AGBL1: variants seen among roughly 807,000 people sequenced by gnomAD.
AGBL1 encodes cytosolic carboxypeptidase 4.
A neutral mutation model predicts 118.9 loss-of-function variants in AGBL1; 130 were observed. The ratio of observed to expected loss-of-function variants is 1.09; its 90% CI spans 0.95 to 1.26. AGBL1 has a LOEUF of 1.26. Among genes scored for constraint, AGBL1 ranks in the 50% most tolerant of loss-of-function variants. AGBL1 has a pLI of 0.00. For missense variants in AGBL1, 1,584 were observed against 1,298.1 expected, an observed-to-expected ratio of 1.22 and a Z score of -3.38; for synonymous variants, 555 against 478.9, an observed-to-expected ratio of 1.16 and a Z score of -2.08.
At chr15:86,155,983 G>A (rs1364875769) in intron 4 of AGBL1, among the ~76,000 whole-genome samples, 4 of 152,064 alleles carry the variant, frequency 2.6e-5, no homozygotes, top group African/African-American at 9.6e-5. Flanking sequence ...GTGCACTGGT[G>A]TGACCTTAGT....
intron 18 of AGBL1, among the ~76,000 whole-genome samples, chr15:86,457,317 A>G (rs1272773333): frequency 6.6e-6 from 1 of 152,170 alleles, no homozygotes; most frequent in Non-Finnish European, 1.5e-5. Context: ...TTGGTTTGCA[A>G]TCAGGCTATA....
intron 5 of AGBL1, among the ~76,000 whole-genome samples, chr15:86,187,944 G>A (rs1250395380): frequency 6.6e-6 from 1 of 152,172 alleles, no homozygotes; most frequent in African/African-American, 2.4e-5. Context: ...TCATCCACAT[G>A]CATTTCTTCA....
intron 5 of AGBL1, among the ~76,000 whole-genome samples, chr15:86,218,600 T>C (rs899413524): frequency 4.6e-5 from 7 of 152,286 alleles, no homozygotes; most frequent in African/African-American, 1.7e-4. Flanking sequence ...TTATATTACA[T>C]AATTGTGTTA....
intron 22 of AGBL1, among the ~76,000 whole-genome samples, chr15:86,900,613 A>C (rs17703917): frequency 0.24 from 36,647 of 151,962 alleles, 5,503 homozygotes; most frequent in Middle Eastern, 0.4. Context: ...AGTTCAGAAA[A>C]GATAATCGAG....
intron 18 of AGBL1, among the ~76,000 whole-genome samples, chr15:86,468,371 C>T (rs1375069078): frequency 2.0e-5 from 3 of 152,148 alleles, no homozygotes; most frequent in Admixed American, 6.6e-5. Flanking sequence ...ATTACTGAGC[C>T]TCCCTAGAGA....
chr15:86,153,876 A>G (rs946961972), intron 3 of AGBL1, among the ~76,000 whole-genome samples: 1 of 152,122 alleles, frequency 6.6e-6, no homozygotes, highest in African/African-American at 2.4e-5. Context: ...TTCTTCCTAA[A>G]TCCTTTCAAG....
intron 15 of AGBL1, among the ~76,000 whole-genome samples, chr15:86,278,176 T>C (rs537115933): frequency 6.6e-6 from 1 of 152,326 alleles, no homozygotes; most frequent in Admixed American, 6.5e-5. Context: ...TAATTAGCCA[T>C]TGCGATCCAT....
At chr15:86,399,543 T>G (rs2081414523) in intron 18 of AGBL1, among the ~76,000 whole-genome samples, 3 of 152,154 alleles carry the variant, frequency 2.0e-5, no homozygotes, top group African/African-American at 7.2e-5. Flanking sequence ...TCTCTTCTGT[T>G]GGAAGAGGAA....
chr15:86,095,303 C>G (rs191166500), intron 1 of AGBL1, among the ~76,000 whole-genome samples: 43 of 152,136 alleles, frequency 2.8e-4, no homozygotes, highest in Non-Finnish European at 5.0e-4. Flanking sequence ...TTACTTTGAT[C>G]TCCAGTCCCT....
Position 86,613,993 on chromosome 15 carries a change from C to G in AGBL1, c.2994+59456C>G, listed in dbSNP as rs190862486. The stretch of plus-strand genomic sequence containing the variant: ...GTAATGTGCTGCTGCAAACTTTGTA[C>G]GGTAAGGGAAGAAACTTATCCCGCT... On this transcript the variant is annotated intron_variant, in intron 21 of 22. Transcript: ENST00000614907. This position sits in a 1 kb window ranked among gnomAD's most constrained non-coding sequence, Gnocchi z 4.2. Among the ~76,000 whole-genome samples, 2 of 152,032 alleles carry G rather than the reference C, an allele frequency of 1.3e-5. No individual in the cohort carries two copies. Among genetic ancestry groups the G allele is most frequent in the African/African-American group, 4.8e-5 (2 of 41,386 alleles).
chr15:86,960,640 A>C (rs190688519), intron 23 of AGBL1, among the ~76,000 whole-genome samples: 182 of 152,190 alleles, frequency 1.2e-3, no homozygotes, highest in Admixed American at 4.1e-3. Flanking sequence ...AAAAAGAAAG[A>C]AAATGACCAT....
chr15:86,722,787 C>T (rs1484443162), intron 22 of AGBL1, among the ~76,000 whole-genome samples: 1 of 151,884 alleles, frequency 6.6e-6, no homozygotes, highest in Non-Finnish European at 1.5e-5. Context: ...CCAGAATCTA[C>T]AATGAACTCA....
chr15:86,430,570 A>G (rs1312994305), intron 18 of AGBL1, among the ~76,000 whole-genome samples: 1 of 152,036 alleles, frequency 6.6e-6, no homozygotes, highest in South Asian at 2.1e-4. Context: ...GGAAGCAGTG[A>G]TATAATCTTA....
chr15:86,214,805 T>C (rs954113844), intron 5 of AGBL1, among the ~76,000 whole-genome samples: 20 of 152,212 alleles, frequency 1.3e-4, no homozygotes, highest in African/African-American at 4.6e-4. Context: ...CCAGCCTCGA[T>C]TGTGGTGCTC....
At position 86,700,671 on chromosome 15, in the gene AGBL1, A is replaced by G. The variant is rs2086342531; in HGVS notation, c.3158+26235A>G. On this transcript the variant is annotated intron_variant, in intron 22 of 22. Transcript: ENST00000614907. ...ATTAGGACCAAAAAATAGAAATGAT[A>G]CACTAAAGATACAGGCAAGGATTTT... Among the ~76,000 whole-genome samples the G allele has an allele frequency of 2.0e-5, 3 of 152,232 alleles. No homozygotes were observed. In the East Asian group the frequency reaches 5.8e-4, roughly 29 times the overall value.
intron 1 of AGBL1, among the ~76,000 whole-genome samples, chr15:86,131,861 G>T (rs1397175520): frequency 6.6e-6 from 1 of 151,640 alleles, no homozygotes; most frequent in African/African-American, 2.4e-5. Context: ...GAGGTAGGAG[G>T]ATCCTGGGAA....
chr15:87,028,140 GGAAAGTGA>G (rs1228709668), intron 24 of AGBL1, among the ~76,000 whole-genome samples: 1 of 151,800 alleles, frequency 6.6e-6, no homozygotes, highest in East Asian at 1.9e-4. Context: ...AATATTAACT[GGAAAGTGA>G]GAAATCTAAG....
chr15:86,766,225 G>A (rs1435730988), intron 22 of AGBL1, among the ~76,000 whole-genome samples: 1 of 151,868 alleles, frequency 6.6e-6, no homozygotes, highest in Non-Finnish European at 1.5e-5. Context: ...AAGTGGTGCA[G>A]CTCCAGAGTT....
intron 21 of AGBL1, among the ~76,000 whole-genome samples, chr15:86,560,572 C>A (rs1369763693): frequency 6.6e-6 from 1 of 152,188 alleles, no homozygotes; most frequent in Non-Finnish European, 1.5e-5. Flanking sequence ...TAACTCTTTG[C>A]TATTGTGAAT....
Sources: gnomAD v4.1 joint callset for allele counts (sites outside exome capture counted in the v4.1 genomes callset) on GRCh38, gnomAD v4.1.1 for gene constraint, Gnocchi (gnomAD v3.1) non-coding constraint, MANE v1.5 for transcripts, NCBI Gene and HGNC (gene_info 2026-07-23, HGNC 2026-07-21) for gene names.